ETS1: variants seen among roughly 807,000 people sequenced by gnomAD.
ETS1 encodes protein C-ets-1.
Under a neutral mutation model 58.6 loss-of-function variants are expected in ETS1, and 15 were observed. That is an observed-to-expected ratio of 0.26 (90% confidence interval 0.17 to 0.39). The LOEUF is 0.39. ETS1 is among the 10% of genes least tolerant of loss of function. ETS1 has a pLI of 1.00. For missense variants in ETS1, 417 were observed against 610.5 expected (o/e 0.68, Z 3.34); for synonymous variants, 214 against 218.2 (o/e 0.98, Z 0.17).
intron 7 of ETS1, 110 bp downstream of exon 7, chr11:128,484,713 G>A (rs1591605768): frequency 1.1e-6 from 1 of 937,690 alleles, no homozygotes; most frequent in Non-Finnish European, 1.6e-6. Flanking sequence ...TGAAACTGAG[G>A]AATCTACAGG....
intron 2 of ETS1, chr11:128,571,681 C>A (rs961911818): frequency 6.6e-6 from 1 of 151,952 alleles, no homozygotes; most frequent in Non-Finnish European, 1.5e-5. Flanking sequence ...GAAATGCGTT[C>A]TTGTTTATTG....
At chr11:128,515,571 T>C (rs1218672886) in intron 3 of ETS1, among the ~76,000 whole-genome samples, 5 of 152,230 alleles carry the variant, frequency 3.3e-5, no homozygotes, top group African/African-American at 9.6e-5. Flanking sequence ...TTCTAGAAAG[T>C]ACGATTGACC....
At chr11:128,516,172 T>C (rs531186830) in intron 3 of ETS1, among the ~76,000 whole-genome samples, 2 of 152,242 alleles carry the variant, frequency 1.3e-5, no homozygotes, top group Admixed American at 1.3e-4. Flanking sequence ...CAAGTAGAAA[T>C]AGCCTGTTTA....
chr11:128,523,505 G>A (rs1863741837), intron 3 of ETS1, among the ~76,000 whole-genome samples: 1 of 152,218 alleles, frequency 6.6e-6, no homozygotes, highest in African/African-American at 2.4e-5. Context: ...AATGTTTCCT[G>A]ATTTCTAAGC....
chr11:128,490,462 G>A lies in ETS1; in HGVS notation c.329C>T (p.Pro110Leu), dbSNP rs770028412. 6.2e-7 allele frequency: 1 copy of A among 1,614,000 alleles called. No homozygotes were observed. ...TTCCAACTACAAAACCATACCTTTT[G>A]GGATCCCCAGTCGTTGCTGTTCTTT... ...FTKEQQRLGIPKDPRQWTETH... is the reference protein window; with the variant it reads ...FTKEQQRLGILKDPRQWTETH... Residue 110 changes from proline to leucine, a missense_variant, in exon 4 of 10, where the codon CCA (proline) becomes CTA (leucine). Pro to Leu is a moderately conservative substitution (Grantham distance 98). Coordinates refer to ENST00000392668, the MANE Select transcript of ETS1 (RefSeq NM_001143820.2).
chr11:128,556,160 T>C, intron 3 of ETS1, 131 bp downstream of exon 3: 1 of 761,350 alleles, frequency 1.3e-6, no homozygotes, highest in Non-Finnish European at 2.0e-6. Flanking sequence ...CCCGGGACTT[T>C]CCATTCAAGA....
At chr11:128,504,603 C>T (rs146561457) in intron 3 of ETS1, among the ~76,000 whole-genome samples, 362 of 152,300 alleles carry the variant, frequency 2.4e-3, no homozygotes, top group African/African-American at 8.4e-3. Context: ...CAAACCTTTT[C>T]TTTTACTGGT....
intron 1 of ETS1, among the ~76,000 whole-genome samples, chr11:128,587,170 C>CAAAAAAAAA (rs5795624): frequency 7.2e-6 from 1 of 139,258 alleles, no homozygotes; most frequent in Non-Finnish European, 1.6e-5. Context: ...CTCCAATTTG[C>CAAAAAAAAA]AAAAAAAAAA....
chr11:128,494,370 A>G (rs1862882204), intron 3 of ETS1, among the ~76,000 whole-genome samples: 2 of 152,222 alleles, frequency 1.3e-5, no homozygotes, highest in South Asian at 4.1e-4. Flanking sequence ...CTCTGAAAGG[A>G]CAGTTGTGCA....
At chr11:128,578,003 T>C (rs1864787814) in intron 1 of ETS1, among the ~76,000 whole-genome samples, 1 of 151,812 alleles carries the variant, frequency 6.6e-6, no homozygotes, top group African/African-American at 2.4e-5. Context: ...AAGCATGAGA[T>C]GGAGAAGACA....
At chr11:128,510,857 C>T (rs1190636740) in intron 3 of ETS1, among the ~76,000 whole-genome samples, 3 of 152,170 alleles carry the variant, frequency 2.0e-5, no homozygotes, top group Non-Finnish European at 2.9e-5. Flanking sequence ...CGTCATTTGA[C>T]CTTGGAATGC....
intron 8 of ETS1, among the ~76,000 whole-genome samples, chr11:128,472,525 T>G (rs371957732): frequency 4.6e-5 from 7 of 152,290 alleles, no homozygotes; most frequent in African/African-American, 1.7e-4. Context: ...TGTTTACAGC[T>G]CAGGTCCCTG....
In ETS1 at chr11:128,463,631, G is replaced by C; in HGVS notation, c.1124-4C>G. The C allele has an allele frequency of 6.7e-7, 1 of 1,492,736 alleles. No individual in the cohort carries two copies. Among genetic ancestry groups the C allele is most frequent in the South Asian group, 1.1e-5 (1 of 88,694 alleles). 92.5% of individuals were successfully genotyped at this position (1,492,736 alleles called of 1,614,324 possible). A position where few individuals can be genotyped will look rare whatever the true frequency, so the allele number is the denominator to read the frequency against. On this transcript the variant is annotated splice_region_variant and splice_polypyrimidine_tract_variant and intron_variant, in intron 8 of 9. Transcript: ENST00000392668. The surrounding 1 kb of genome is among the most constrained non-coding windows in gnomAD (Gnocchi z 4.1). The stretch of plus-strand genomic sequence containing the variant: ...CATAGCTGGATTGGTCCACTGCCTA[G>C]AAACACAAGCCATTGTGAATCATTA...
At chr11:128,469,225 G>A (rs1031886364) in intron 8 of ETS1, among the ~76,000 whole-genome samples, 4 of 152,086 alleles carry the variant, frequency 2.6e-5, no homozygotes, top group Admixed American at 6.5e-5. Context: ...CAAATACCTC[G>A]GTGTGGGCAG....
chr11:128,562,717 A>T (rs1386541933), intron 2 of ETS1, among the ~76,000 whole-genome samples: 2 of 152,124 alleles, frequency 1.3e-5, no homozygotes, highest in Non-Finnish European at 2.9e-5. Flanking sequence ...TAAAGCCACC[A>T]CCTGGGCCGA....
chr11:128,535,177 A>G (rs1466311139), intron 3 of ETS1, among the ~76,000 whole-genome samples: 1 of 152,244 alleles, frequency 6.6e-6, no homozygotes, highest in Non-Finnish European at 1.5e-5. Context: ...TCTAATGATC[A>G]GTGATGTTGA....
rs984749988 is a variant in ETS1, at chr11:128,522,387, G to C, written c.215-31811C>G. 4.1e-6 allele frequency: 4 copies of C among 980,692 alleles called. No homozygotes were observed. In the African/African-American group the frequency reaches 5.2e-5, roughly 13 times the overall value. 60.7% of individuals were successfully genotyped at this position (980,692 alleles called of 1,614,324 possible). A position where few individuals can be genotyped will look rare whatever the true frequency, so the allele number is the denominator to read the frequency against. On this transcript the variant is annotated intron_variant, in intron 3 of 9. Coordinates refer to ENST00000392668, the MANE Select transcript of ETS1 (RefSeq NM_001143820.2). ...GGCGTTTCTCGCGGCGCCGCGTCTC[G>C]GCCGCTGGGTCCGCGCGCCCTGGGC...
intron 8 of ETS1, among the ~76,000 whole-genome samples, chr11:128,473,555 C>A (rs1417471500): frequency 6.6e-6 from 1 of 152,022 alleles, no homozygotes; most frequent in African/African-American, 2.4e-5. Context: ...CTCAATTCTA[C>A]AGGGATGGCC....
chr11:128,458,835 T>TA lies in ETS1; in HGVS notation c.*3525dup, dbSNP rs1296177778. 3 of 152,630 alleles carry TA rather than the reference T, an allele frequency of 2.0e-5. No individual in the cohort carries two copies. Among genetic ancestry groups the TA allele is most frequent in the Admixed American group, 6.5e-5 (1 of 15,274 alleles). The allele number at this position is 152,630 out of a possible 1,614,324, so 9.5% of individuals were successfully genotyped here. On this transcript the variant is annotated 3_prime_UTR_variant, in exon 10 of 10. Coordinates refer to ENST00000392668, the MANE Select transcript of ETS1 (RefSeq NM_001143820.2). This position sits in a 1 kb window ranked among gnomAD's most constrained non-coding sequence, Gnocchi z 4.3. Reference sequence around the variant, plus strand: ...CAATATGAAATCAGGCTACAGTATATAAAAAACTCTCCAGCAAAATGATGT... The same window carrying TA: ...CAATATGAAATCAGGCTACAGTATATAAAAAAACTCTCCAGCAAAATGATGT...
Sources: allele counts gnomAD v4.1 joint callset (sites outside exome capture counted in the v4.1 genomes callset), GRCh38; gene constraint gnomAD v4.1.1; non-coding constraint Gnocchi (gnomAD v3.1); transcripts MANE v1.5; gene names NCBI Gene and HGNC (gene_info 2026-07-23, HGNC 2026-07-21).